The following SNX11 variants were observed in gnomAD, a reference collection of about 807,000 sequenced individuals.
SNX11 encodes sorting nexin 11.
In SNX11, 19 loss-of-function variants were observed where a neutral mutation model predicts 30.7. The observed-to-expected ratio is 0.62, with a 90% CI of 0.43 to 0.91. The LOEUF (loss-of-function observed/expected upper bound fraction) is 0.91, where lower values mean the gene tolerates loss of function less well. Among genes scored for constraint, SNX11 ranks in the 40% least tolerant of loss-of-function variants. SNX11 has a pLI of 0.00. For synonymous variants in SNX11, 112 were observed against 119.0 expected (o/e 0.94, Z 0.38); for missense variants, 302 against 326.7 (o/e 0.92, Z 0.58).
intron 1 of SNX11, chr17:48,111,010 T>C (rs888402732): frequency 6.5e-5 from 55 of 851,880 alleles, no homozygotes; most frequent in Non-Finnish European, 7.8e-5. Context: ...TTGGGGAAAA[T>C]CAGGGGCTGA....
rs1465038406 is a variant in SNX11, at chr17:48,123,448, T to C, written c.*1940T>C. Among the ~76,000 whole-genome samples the C allele has an allele frequency of 2.6e-5, 4 of 152,040 alleles. No individual in the cohort carries two copies. Among genetic ancestry groups the C allele is most frequent in the East Asian group, 1.9e-4 (1 of 5,178 alleles). ...AAAAAACAGCAAGCTGGGTTGGCCT[T>C]CTTCTGTTTGCTCCTTTTCTTCCTG... On this transcript the variant is annotated 3_prime_UTR_variant, in exon 7 of 7. Transcript: ENST00000359238.
intron 4 of SNX11, among the ~76,000 whole-genome samples, chr17:48,116,971 A>G (rs1024080280): frequency 2.6e-5 from 4 of 151,372 alleles, no homozygotes; most frequent in African/African-American, 4.9e-5. Context: ...TCACAGGTTC[A>G]AGTGATTCTC....
At chr17:48,114,974 G>T (rs1391854787) in intron 4 of SNX11, among the ~76,000 whole-genome samples, 1 of 151,270 alleles carries the variant, frequency 6.6e-6, no homozygotes, top group Non-Finnish European at 1.5e-5. Context: ...GCCTGGGCAG[G>T]CTGGTCTTAA....
At chr17:48,112,286 T>G (rs757629994) in intron 2 of SNX11, 1 of 661,172 alleles carries the variant, frequency 1.5e-6, no homozygotes, top group South Asian at 1.8e-5. Flanking sequence ...TGACTAAATT[T>G]TCCTTTGATT....
intron 4 of SNX11, among the ~76,000 whole-genome samples, chr17:48,116,089 C>G (rs2144520105): frequency 6.6e-6 from 1 of 152,158 alleles, no homozygotes; most frequent in Middle Eastern, 3.4e-3. Context: ...GAAACCCCAT[C>G]TCTACTAAAA....
intron 1 of SNX11, among the ~76,000 whole-genome samples, chr17:48,108,916 T>C (rs1345050961): frequency 6.6e-6 from 1 of 152,168 alleles, no homozygotes; most frequent in Non-Finnish European, 1.5e-5. Context: ...GTCTAGGTTT[T>C]TGTATTTGTT....
At chr17:48,118,923 A>G (rs758743464) in intron 5 of SNX11, 51 bp from the exon 6 acceptor site, 5 of 1,585,728 alleles carry the variant, frequency 3.2e-6, no homozygotes, top group Non-Finnish European at 4.3e-6. Flanking sequence ...GGGAATGGAG[A>G]GCAGTTCCTC....
chr17:48,112,301 T>C, intron 2 of SNX11: 2 of 641,014 alleles, frequency 3.1e-6, no homozygotes, highest in South Asian at 3.7e-5. Context: ...TTGATTGGAA[T>C]ATACTGGAAT....
intron 6 of SNX11, among the ~76,000 whole-genome samples, chr17:48,120,478 G>A (rs2063587609): frequency 1.5e-5 from 2 of 134,790 alleles, no homozygotes; most frequent in Non-Finnish European, 3.1e-5. Context: ...AAAGTGCTGG[G>A]ATTACAGGTG....
At chr17:48,112,242 G>T in intron 2 of SNX11, 157 bp downstream of exon 2, 1 of 760,386 alleles carries the variant, frequency 1.3e-6, no homozygotes, top group South Asian at 1.5e-5. Flanking sequence ...GAAATCAACA[G>T]CAGAGGCATT....
intron 4 of SNX11, 105 bp downstream of exon 4, chr17:48,113,506 A>G (rs2063511609): frequency 1.3e-6 from 1 of 752,018 alleles, no homozygotes; most frequent in Non-Finnish European, 2.3e-6. Flanking sequence ...ACCAGGCACT[A>G]AGGAAATTGG....
intron 1 of SNX11, among the ~76,000 whole-genome samples, chr17:48,109,384 C>T (rs1439000344): frequency 2.7e-5 from 4 of 150,842 alleles, no homozygotes; most frequent in African/African-American, 9.8e-5. Flanking sequence ...CTCAGTCTCC[C>T]GAGTAGCTGG....
chr17:48,109,743 A>AT (rs1374191747), intron 1 of SNX11, among the ~76,000 whole-genome samples: 4 of 151,714 alleles, frequency 2.6e-5, no homozygotes, highest in Middle Eastern at 3.4e-3. Flanking sequence ...ACGCCCGCTA[A>AT]TTTTTTTTAT....
chr17:48,123,270 C>T lies in SNX11; in HGVS notation c.*1762C>T, dbSNP rs961434135. Among the ~76,000 whole-genome samples the T allele has an allele frequency of 2.6e-5, 4 of 152,286 alleles. No homozygotes were observed. The highest frequency in any genetic ancestry group is 1.9e-4 in the East Asian group (1 of 5,176). ...CGACAGATGCTAAGCTAATGGCATC[C>T]GCTCTGCCGATTGGTGGGGATGGCT... is the stretch of plus-strand genomic sequence containing the variant. On this transcript the variant is annotated 3_prime_UTR_variant, in exon 7 of 7. Transcript: ENST00000359238.
Position 48,120,903 on chromosome 17 carries a change from A to ATT in SNX11, c.540-319_540-318dup, listed in dbSNP as rs58848624. Among the ~76,000 whole-genome samples, 1,040 of 145,232 alleles carry ATT rather than the reference A, an allele frequency of 7.2e-3. 7 individuals carry two copies. Among genetic ancestry groups the ATT allele is most frequent in the Non-Finnish European group, 0.01 (684 of 66,578 alleles). On this transcript the variant is annotated intron_variant, in intron 6 of 6. Coordinates refer to ENST00000359238, the MANE Select transcript of SNX11 (RefSeq NM_013323.3). ...CTCAAATAATTCACCATGCCCAGCC[A>ATT]TTTTTTTTTTTTTTAATCGGGCAGC...
chr17:48,119,071 C>T lies in SNX11; in HGVS notation c.424C>T (p.Arg142Ter), dbSNP rs774174553. The T allele has an allele frequency of 5.0e-6, 8 of 1,613,974 alleles. No individual in the cohort carries two copies. Among genetic ancestry groups the T allele is most frequent in the Non-Finnish European group, 6.8e-6 (8 of 1,180,006 alleles). Residue 142 changes from arginine to a stop codon, truncating the protein, a stop_gained, in exon 6 of 7, where the codon CGA becomes TGA. Coordinates refer to ENST00000359238, the MANE Select transcript of SNX11 (RefSeq NM_013323.3). LOFTEE classifies it high-confidence loss of function. Reference protein sequence around the residue: ...VPEIEACVQGRSTMTVSDAIL... With the variant: ...VPEIEACVQG ...TGAGATAGAAGCCTGTGTCCAGGGCCGAAGTACCATGACTGTGTCTGATGC... is the reference window on the plus strand; with the variant it reads ...TGAGATAGAAGCCTGTGTCCAGGGCTGAAGTACCATGACTGTGTCTGATGC...
intron 4 of SNX11, among the ~76,000 whole-genome samples, chr17:48,114,503 G>T (rs1042527632): frequency 6.9e-6 from 1 of 143,894 alleles, no homozygotes; most frequent in Non-Finnish European, 1.5e-5. Context: ...TGTCGCCCAG[G>T]CTGGAGTGCA....
Position 48,112,678 on chromosome 17 carries a change from C to A in SNX11, c.129+18C>A. The A allele has an allele frequency of 6.4e-7, 1 of 1,554,180 alleles. No individual in the cohort carries two copies. Among genetic ancestry groups the A allele is most frequent in the Non-Finnish European group, 8.9e-7 (1 of 1,127,756 alleles). On this transcript the variant is annotated intron_variant, in intron 3 of 6. Coordinates refer to ENST00000359238, the MANE Select transcript of SNX11 (RefSeq NM_013323.3). ...TCCTCCATGTGAGTACATCAAGCTT[C>A]TGTATTGGGGTCAGCGCTCTGCAGG... is the stretch of plus-strand genomic sequence containing the variant.
intron 1 of SNX11, chr17:48,111,160 A>G: frequency 4.1e-6 from 4 of 984,534 alleles, no homozygotes; most frequent in Non-Finnish European, 4.8e-6. Flanking sequence ...GTTCCAGAGT[A>G]TGGATTGGAT....
Sources: allele counts gnomAD v4.1 joint callset (sites outside exome capture counted in the v4.1 genomes callset), GRCh38; gene constraint gnomAD v4.1.1; transcripts MANE v1.5; gene names NCBI Gene and HGNC (gene_info 2026-07-23, HGNC 2026-07-21).